TMEM163: variants seen among roughly 807,000 people sequenced by gnomAD.
TMEM163 encodes transmembrane protein 163.
TMEM163 carries 17 observed loss-of-function variants against 29.3 expected under a neutral mutation model. That is an observed-to-expected ratio of 0.58 (90% CI 0.40 to 0.87). The LOEUF (loss-of-function observed/expected upper bound fraction) is 0.87, where lower values mean the gene tolerates loss of function less well. Ranked by LOEUF, TMEM163 falls within the 40% of genes least tolerant of loss-of-function variation. TMEM163 has a pLI of 0.00. For synonymous variants in TMEM163, 157 were observed against 160.6 expected, an observed-to-expected ratio of 0.98 and a Z score of 0.17; for missense variants, 303 against 381.5, an observed-to-expected ratio of 0.79 and a Z score of 1.71.
At chr2:134,656,762 T>C (rs1179530065) in intron 2 of TMEM163, among the ~76,000 whole-genome samples, 2 of 152,254 alleles carry the variant, frequency 1.3e-5, no homozygotes, top group Non-Finnish European at 2.9e-5. Flanking sequence ...TTTTGAGATA[T>C]ATCCCTTCAG....
chr2:134,545,537 C>G (rs1374493498), intron 4 of TMEM163, among the ~76,000 whole-genome samples: 1 of 152,126 alleles, frequency 6.6e-6, no homozygotes, highest in African/African-American at 2.4e-5. Context: ...CCACACCTCC[C>G]TCCTGGCACT....
chr2:134,573,039 C>T (rs1017764898), intron 2 of TMEM163, among the ~76,000 whole-genome samples: 2 of 152,216 alleles, frequency 1.3e-5, no homozygotes, highest in Non-Finnish European at 2.9e-5. Flanking sequence ...GGATCTCCCA[C>T]ACCCTGTCTA....
At chr2:134,469,202 A>G (rs1469979638) in intron 5 of TMEM163, 1 of 152,036 alleles carries the variant, frequency 6.6e-6, no homozygotes, top group Non-Finnish European at 1.5e-5. Flanking sequence ...ACCGCGGCCT[A>G]TCCAGGGGCT....
intron 4 of TMEM163, among the ~76,000 whole-genome samples, chr2:134,520,955 T>A (rs761622801): frequency 6.6e-6 from 1 of 152,120 alleles, no homozygotes; most frequent in African/African-American, 2.4e-5. Flanking sequence ...TAGTTTTTGT[T>A]TTTACAAAGC....
intron 2 of TMEM163, among the ~76,000 whole-genome samples, chr2:134,692,206 G>A (rs1684484748): frequency 6.6e-6 from 1 of 152,084 alleles, no homozygotes; most frequent in Non-Finnish European, 1.5e-5. Flanking sequence ...CTCTGCAGGA[G>A]CACAGCCCTG....
At chr2:134,620,113 C>A (rs1366004729) in intron 2 of TMEM163, among the ~76,000 whole-genome samples, 2 of 152,104 alleles carry the variant, frequency 1.3e-5, no homozygotes, top group African/African-American at 4.8e-5. Flanking sequence ...ACTATTAAAT[C>A]CCAGCAGGTT....
At chr2:134,639,758 T>C (rs941087346) in intron 2 of TMEM163, among the ~76,000 whole-genome samples, 3 of 152,218 alleles carry the variant, frequency 2.0e-5, no homozygotes, top group Non-Finnish European at 4.4e-5. Context: ...GCGTATTAGA[T>C]ACTTTTCAAA....
At chr2:134,650,004 TAAAAA>T (rs1319130397) in intron 2 of TMEM163, among the ~76,000 whole-genome samples, 2 of 97,572 alleles carry the variant, frequency 2.0e-5, no homozygotes, top group Admixed American at 1.3e-4. Context: ...GACCCTGTCT[TAAAAA>T]AAAAAAAAAA....
chr2:134,530,212 C>G (rs1680389585), intron 4 of TMEM163, among the ~76,000 whole-genome samples: 1 of 152,120 alleles, frequency 6.6e-6, no homozygotes, highest in Non-Finnish European at 1.5e-5. Context: ...TGTGGATGCC[C>G]TCTGATTCTA....
intron 2 of TMEM163, among the ~76,000 whole-genome samples, chr2:134,666,145 G>A (rs1007707308): frequency 3.3e-5 from 5 of 152,010 alleles, no homozygotes; most frequent in African/African-American, 1.2e-4. Context: ...CAGCTAATCA[G>A]ACTAAATCCC....
intron 2 of TMEM163, among the ~76,000 whole-genome samples, chr2:134,609,549 A>G (rs112234437): frequency 6.1e-4 from 42 of 68,690 alleles, no homozygotes; most frequent in South Asian, 1.9e-3. Context: ...GTGAAAAGGA[A>G]GACAGACCCC....
intron 2 of TMEM163, among the ~76,000 whole-genome samples, chr2:134,564,511 A>T (rs1195624957): frequency 6.6e-6 from 1 of 152,350 alleles, no homozygotes; most frequent in East Asian, 1.9e-4. Context: ...CATTCATCAT[A>T]AGGGAAAGGA....
At chr2:134,490,771 G>C in intron 5 of TMEM163, among the ~76,000 whole-genome samples, 1 of 152,144 alleles carries the variant, frequency 6.6e-6, no homozygotes, top group East Asian at 1.9e-4. Flanking sequence ...GTCACGTAAA[G>C]GGGACCCTCA....
At position 134,529,766 on chromosome 2, in the gene TMEM163, A is replaced by G. The variant is rs565601929; in HGVS notation, c.458+20804T>C. On this transcript the variant is annotated intron_variant, in intron 4 of 7. Coordinates refer to ENST00000281924, the MANE Select transcript of TMEM163 (RefSeq NM_030923.5). ...GGCGACACAGCAAGACCCTACCTCAAAAAAAAAAATTGTCCAGTTTTTAAA... is the reference window on the plus strand; with the variant it reads ...GGCGACACAGCAAGACCCTACCTCAGAAAAAAAAATTGTCCAGTTTTTAAA... 4.1e-5 allele frequency among the ~76,000 whole-genome samples: 6 copies of G among 147,430 alleles called. No individual in the cohort carries two copies. The South Asian group carries it at 1.3e-3, about 31-fold the overall frequency.
At chr2:134,459,626 C>A (rs1276916168) in intron 6 of TMEM163, among the ~76,000 whole-genome samples, 1 of 152,028 alleles carries the variant, frequency 6.6e-6, no homozygotes. Flanking sequence ...ACTCACACCC[C>A]CCTTCTGCCC....
At position 134,648,590 on chromosome 2, in the gene TMEM163, A is replaced by T. The variant is rs150000705; in HGVS notation, c.322+64610T>A. ...GGAAAGATACATATTAAGGATATGGAAAAAGAACCATCATCCAGCTGGCAA... is the reference window on the plus strand; with the variant it reads ...GGAAAGATACATATTAAGGATATGGTAAAAGAACCATCATCCAGCTGGCAA... On this transcript the variant is annotated intron_variant, in intron 2 of 7. Coordinates refer to ENST00000281924, the MANE Select transcript of TMEM163 (RefSeq NM_030923.5). Among the ~76,000 whole-genome samples the T allele has an allele frequency of 9.1e-4, 138 of 152,272 alleles. No homozygotes were observed. The Middle Eastern group carries it at 0.014, about 15-fold the overall frequency.
At chr2:134,539,681 T>C (rs1680620986) in intron 4 of TMEM163, among the ~76,000 whole-genome samples, 1 of 152,226 alleles carries the variant, frequency 6.6e-6, no homozygotes, top group African/African-American at 2.4e-5. Context: ...TTGTAGTCAA[T>C]GGCAGGACCT....
chr2:134,616,747 T>C (rs780244345), intron 2 of TMEM163, among the ~76,000 whole-genome samples: 7 of 152,218 alleles, frequency 4.6e-5, no homozygotes, highest in African/African-American at 9.7e-5. Flanking sequence ...ACTATAGTTA[T>C]ATAAGATGTT....
intron 2 of TMEM163, among the ~76,000 whole-genome samples, chr2:134,685,163 G>A (rs937030307): frequency 2.0e-5 from 3 of 152,134 alleles, no homozygotes; most frequent in African/African-American, 4.8e-5. Flanking sequence ...CAGTATTAAC[G>A]TTTAAAGATC....
Sources: allele counts gnomAD v4.1 joint callset (sites outside exome capture counted in the v4.1 genomes callset), GRCh38; gene constraint gnomAD v4.1.1; transcripts MANE v1.5; gene names NCBI Gene and HGNC (gene_info 2026-07-23, HGNC 2026-07-21).